Variants in TBCE observed in about 807,000 individuals in gnomAD.
TBCE encodes the protein tubulin-specific chaperone E.
Under a neutral mutation model 77.0 loss-of-function variants are expected in TBCE, and 53 were observed. The ratio of observed to expected loss-of-function variants is 0.69; its 90% CI spans 0.55 to 0.87. The LOEUF (loss-of-function observed/expected upper bound fraction) is 0.87. Among genes scored for constraint, TBCE ranks in the 40% least tolerant of loss-of-function variants. The pLI is 0.00. For synonymous variants in TBCE, 235 were observed against 241.3 expected (o/e 0.97, Z 0.24); for missense variants, 624 against 622.4 (o/e 1.00, Z -0.03).
chr1:235,434,060 C>G, intron 7 of TBCE, 144 bp from the exon 8 acceptor site: 1 of 775,138 alleles, frequency 1.3e-6, no homozygotes, highest in Non-Finnish European at 2.3e-6. Flanking sequence ...CTATTCCAGG[C>G]CTGAAACAGT....
intron 5 of TBCE, among the ~76,000 whole-genome samples, chr1:235,421,838 G>GT (rs1317644192): frequency 6.6e-6 from 1 of 152,198 alleles, no homozygotes; most frequent in African/African-American, 2.4e-5. Flanking sequence ...GTTTTGATCA[G>GT]TTTTTTTCTG....
intron 8 of TBCE, among the ~76,000 whole-genome samples, chr1:235,434,915 T>C (rs1681343149): frequency 6.6e-6 from 1 of 152,152 alleles, no homozygotes; most frequent in South Asian, 2.1e-4. Flanking sequence ...CCAAAGTACA[T>C]GTAAAACTTT....
intron 2 of TBCE, among the ~76,000 whole-genome samples, chr1:235,385,384 G>C (rs139940110): frequency 0.14 from 20,734 of 151,844 alleles, 1,727 homozygotes; most frequent in African/African-American, 0.23. Flanking sequence ...TTAACTTTCT[G>C]TCTCGTTGAT....
intron 1 of TBCE, among the ~76,000 whole-genome samples, chr1:235,374,760 C>G (rs548575974): frequency 2.1e-5 from 3 of 144,884 alleles, no homozygotes; most frequent in African/African-American, 8.1e-5. Flanking sequence ...CTTGTCCTCC[C>G]GAAGTGCTGG....
At chr1:235,448,577 C>T (rs968745175) in intron 16 of TBCE, 93 bp from the exon 17 acceptor site, 5 of 1,376,692 alleles carry the variant, frequency 3.6e-6, no homozygotes, top group Admixed American at 1.7e-5. Flanking sequence ...GGGTAAGCTA[C>T]TGCCTGGGGA....
chr1:235,428,983 A>ATTTTTT (rs1321641653), intron 6 of TBCE: 2 of 97,878 alleles, frequency 2.0e-5, no homozygotes, highest in Admixed American at 1.2e-4. Flanking sequence ...ATATATATAT[A>ATTTTTT]TATTTTTTTT....
chr1:235,404,144 G>C (rs1193599720), intron 3 of TBCE, among the ~76,000 whole-genome samples: 2 of 152,156 alleles, frequency 1.3e-5, no homozygotes, highest in African/African-American at 4.8e-5. Flanking sequence ...AGGCGTGGTG[G>C]CGGGCGCCTG....
Position 235,450,190 on chromosome 1 carries a change from C to CTAA in TBCE, c.*1430_*1432dup, listed in dbSNP as rs1259125024. On this transcript the variant is annotated 3_prime_UTR_variant, in exon 17 of 17. Coordinates refer to ENST00000642610, the MANE Select transcript of TBCE (RefSeq NM_003193.5). ...TTGCCTGCCCTGATTTTAGACTCTG[C>CTAA]TAATTCAAGTCCCTGTTATCTTGCT... 2 of 1,613,916 alleles carry CTAA rather than the reference C, an allele frequency of 1.2e-6. No individual in the cohort carries two copies. Among genetic ancestry groups the CTAA allele is most frequent in the Admixed American group, 3.3e-5 (2 of 59,980 alleles).
At chr1:235,430,665 G>A (rs1558384421) in intron 6 of TBCE, 40 bp from the exon 7 acceptor site, 8 of 1,456,196 alleles carry the variant, frequency 5.5e-6, no homozygotes, top group South Asian at 1.2e-5. Context: ...TGGGTTTACT[G>A]TATAGAAATA....
intron 15 of TBCE, among the ~76,000 whole-genome samples, chr1:235,445,000 C>G (rs1682148814): frequency 6.6e-6 from 1 of 152,214 alleles, no homozygotes; most frequent in Non-Finnish European, 1.5e-5. Context: ...GACTGGTATC[C>G]CAGGTCTTCT....
intron 2 of TBCE, among the ~76,000 whole-genome samples, chr1:235,388,445 C>T (rs921019376): frequency 1.3e-5 from 2 of 151,990 alleles, no homozygotes; most frequent in Non-Finnish European, 2.9e-5. Flanking sequence ...CCCACCACCA[C>T]ACCCAGCTAA....
At chr1:235,380,849 G>A (rs906530825) in intron 2 of TBCE, among the ~76,000 whole-genome samples, 1 of 152,020 alleles carries the variant, frequency 6.6e-6, no homozygotes, top group African/African-American at 2.4e-5. Context: ...GTAGTGGTGC[G>A]ATGTTGGCTC....
chr1:235,380,760 T>A (rs1176352741), intron 2 of TBCE, among the ~76,000 whole-genome samples: 1 of 152,168 alleles, frequency 6.6e-6, no homozygotes, highest in African/African-American at 2.4e-5. Context: ...GACTTACTCA[T>A]AAGTCTTAGT....
chr1:235,381,900 G>GT (rs984647040), intron 2 of TBCE, among the ~76,000 whole-genome samples: 1 of 146,562 alleles, frequency 6.8e-6, no homozygotes, highest in Admixed American at 6.9e-5. Flanking sequence ...TGCCATGCTG[G>GT]TGTGCTGCAC....
intron 7 of TBCE, chr1:235,433,886 A>G (rs1681249469): frequency 3.1e-6 from 1 of 322,230 alleles, no homozygotes; most frequent in Non-Finnish European, 5.7e-6. Flanking sequence ...AGCAAATTCT[A>G]TCAAATAATA....
At chr1:235,393,293 C>T (rs1678507150) in intron 2 of TBCE, among the ~76,000 whole-genome samples, 1 of 152,120 alleles carries the variant, frequency 6.6e-6, no homozygotes, top group Non-Finnish European at 1.5e-5. Flanking sequence ...AATCCCAGCA[C>T]TTTGGGAGGC....
intron 2 of TBCE, among the ~76,000 whole-genome samples, chr1:235,394,550 C>T (rs901777154): frequency 2.7e-5 from 4 of 147,938 alleles, no homozygotes; most frequent in African/African-American, 1.0e-4. Context: ...CTCACCTTAG[C>T]CTCCCAAGTT....
rs141646034 is a variant in TBCE at position 235,381,430 on chromosome 1, T to A, written c.100+1281T>A. Among the ~76,000 whole-genome samples, 925 of 151,982 alleles carry A rather than the reference T, an allele frequency of 6.1e-3. 10 individuals are homozygous for A. The highest frequency in any genetic ancestry group is 0.021 in the African/African-American group (891 of 41,468). ...CCGGGCACGGTGGCTCACACCTGTA[T>A]TCCCAGCACTTTGAGAGGCCAAGGC... On this transcript the variant is annotated intron_variant, in intron 2 of 16. Coordinates refer to ENST00000642610, the MANE Select transcript of TBCE (RefSeq NM_003193.5).
intron 1 of TBCE, among the ~76,000 whole-genome samples, chr1:235,377,099 GTCC>G (rs1677345690): frequency 6.6e-6 from 1 of 152,164 alleles, no homozygotes; most frequent in Non-Finnish European, 1.5e-5. Flanking sequence ...CAATGGCCCT[GTCC>G]TCCTTTATTT....
Sources: gnomAD v4.1 joint callset for allele counts (sites outside exome capture counted in the v4.1 genomes callset) on GRCh38, gnomAD v4.1.1 for gene constraint, MANE v1.5 for transcripts, NCBI Gene and HGNC (gene_info 2026-07-23, HGNC 2026-07-21) for gene names.